KLF12: variants seen among roughly 807,000 people sequenced by gnomAD.
KLF12 encodes the protein Krueppel-like factor 12.
KLF12 carries 9 observed loss-of-function variants against 37.8 expected under a neutral mutation model. The ratio of observed to expected loss-of-function variants is 0.24; its 90% CI spans 0.14 to 0.42. KLF12 has a LOEUF of 0.42. Among genes scored for constraint, KLF12 ranks in the 10% least tolerant of loss-of-function variants. The probability of loss-of-function intolerance (pLI) is 1.00; values close to 1 mark genes in which losing one functional copy is unlikely to be tolerated. For missense variants in KLF12, 411 were observed against 516.0 expected (o/e 0.80, Z 1.97); for synonymous variants, 208 against 202.1 (o/e 1.03, Z -0.25).
At chr13:74,279,550 T>C in the KLF12 span, among the ~76,000 whole-genome samples, 1 of 151,904 alleles carries the variant, frequency 6.6e-6, no homozygotes, top group East Asian at 1.9e-4. Context: ...AAGTGCTCTT[T>C]GAGGAATATA....
chr13:73,686,161 A>G lies in KLF12; in HGVS notation c.*9329T>C, dbSNP rs1050686268. 1 of 152,646 alleles carries G rather than the reference A, an allele frequency of 6.6e-6. No individual in the cohort carries two copies. The highest frequency in any genetic ancestry group is 6.5e-5 in the Admixed American group (1 of 15,278). The allele number at this position is 152,646 out of a possible 1,614,324, so 9.5% of individuals were successfully genotyped here. Reference sequence around the variant, plus strand: ...GATAATTATACAAATGCATACAGTTAAAGGTTTAAACTCTATTTCAGTTCA... The same window carrying G: ...GATAATTATACAAATGCATACAGTTGAAGGTTTAAACTCTATTTCAGTTCA... On this transcript the variant is annotated 3_prime_UTR_variant, in exon 8 of 8. Transcript: ENST00000377669.
chr13:73,833,270 G>C (rs1022471637), intron 4 of KLF12, among the ~76,000 whole-genome samples: 5 of 152,130 alleles, frequency 3.3e-5, no homozygotes, highest in African/African-American at 1.2e-4. Context: ...CAATATCTAC[G>C]TATTAAGACT....
chr13:74,067,757 GATAT>G (rs1874001627), intron 1 of KLF12, among the ~76,000 whole-genome samples: 1 of 152,150 alleles, frequency 6.6e-6, no homozygotes, highest in African/African-American at 2.4e-5. Flanking sequence ...CAGAGAAACA[GATAT>G]ATAAGCATGC....
chr13:74,094,822 A>G (rs1875887237), intron 1 of KLF12, among the ~76,000 whole-genome samples: 1 of 151,774 alleles, frequency 6.6e-6, no homozygotes, highest in Non-Finnish European at 1.5e-5. Flanking sequence ...CTGGTTATGA[A>G]CTCCTGACCT....
intron 3 of KLF12, among the ~76,000 whole-genome samples, chr13:73,904,468 C>T (rs9543480): frequency 0.067 from 3,416 of 50,870 alleles, 233 homozygotes; most frequent in Middle Eastern, 0.12. Flanking sequence ...TTCTTTCTTT[C>T]CTTTTTTTTT....
chr13:74,174,312 CT>C, the KLF12 span, among the ~76,000 whole-genome samples: 16 of 148,010 alleles, frequency 1.1e-4, no homozygotes, highest in South Asian at 6.5e-4. Flanking sequence ...AGTCTTAGTC[CT>C]TTTTTTTTCT....
the KLF12 span, among the ~76,000 whole-genome samples, chr13:74,173,333 T>C: frequency 1.5e-4 from 23 of 152,350 alleles, no homozygotes; most frequent in African/African-American, 5.5e-4. Context: ...TAGAAATGGC[T>C]AACTTCTCTC....
chr13:73,991,265 G>A (rs1891964277), intron 2 of KLF12, among the ~76,000 whole-genome samples: 1 of 152,212 alleles, frequency 6.6e-6, no homozygotes, highest in Admixed American at 6.5e-5. Context: ...CCTGGAAATA[G>A]GATGAATGTA....
intron 3 of KLF12, among the ~76,000 whole-genome samples, chr13:73,927,086 G>T (rs1050405543): frequency 2.6e-5 from 4 of 152,102 alleles, no homozygotes; most frequent in Non-Finnish European, 5.9e-5. Flanking sequence ...ATATAACACA[G>T]CTTTTATGTG....
chr13:73,906,914 T>C (rs1888329558), intron 3 of KLF12, among the ~76,000 whole-genome samples: 1 of 152,180 alleles, frequency 6.6e-6, no homozygotes, highest in African/African-American at 2.4e-5. Flanking sequence ...TTCCTCCTTA[T>C]TACTTGCCCA....
chr13:73,755,851 G>A (rs1285910858), intron 6 of KLF12, among the ~76,000 whole-genome samples: 1 of 152,016 alleles, frequency 6.6e-6, no homozygotes, highest in Non-Finnish European at 1.5e-5. Context: ...AACATACGAT[G>A]TTTGGTTTTC....
At chr13:73,876,610 T>C (rs1225226549) in intron 3 of KLF12, among the ~76,000 whole-genome samples, 1 of 152,222 alleles carries the variant, frequency 6.6e-6, no homozygotes, top group Non-Finnish European at 1.5e-5. Flanking sequence ...TGGCTTATAA[T>C]TAGTGATACT....
intron 5 of KLF12, among the ~76,000 whole-genome samples, chr13:73,788,573 T>C (rs1315483160): frequency 6.6e-6 from 1 of 152,184 alleles, no homozygotes; most frequent in African/African-American, 2.4e-5. Flanking sequence ...GCCCTGGGCC[T>C]GTGGAACACC....
intron 4 of KLF12, among the ~76,000 whole-genome samples, chr13:73,845,424 C>T (rs1884959293): frequency 1.3e-5 from 2 of 152,094 alleles, no homozygotes; most frequent in Admixed American, 6.5e-5. Context: ...AACAACTCAA[C>T]AAAGAAACAT....
At chr13:74,272,413 G>A in the KLF12 span, among the ~76,000 whole-genome samples, 22 of 152,264 alleles carry the variant, frequency 1.4e-4, no homozygotes, top group Non-Finnish European at 2.9e-4. Context: ...AAAAATAATT[G>A]TATAGATTGA....
chr13:73,845,920 C>T lies in KLF12; in HGVS notation c.577G>A (p.Val193Met). ...CTTACAGCTGTGTAGACAACAGGCA[C>T]CGACTGTACCACCACGGGGATGCGG... The change falls in exon 4 of 8, where the codon GTG (valine) becomes ATG (methionine). Residue 193 changes from valine to methionine, a missense_variant. By Grantham distance (21) the Val-to-Met change is conservative. Coordinates refer to ENST00000377669, the MANE Select transcript of KLF12 (RefSeq NM_007249.5). The T allele has an allele frequency of 1.2e-6, 2 of 1,614,120 alleles. No homozygotes were observed. Among genetic ancestry groups the T allele is most frequent in the Non-Finnish European group, 1.7e-6 (2 of 1,179,984 alleles).
chr13:74,141,883 T>C, the KLF12 span, among the ~76,000 whole-genome samples: 4 of 152,206 alleles, frequency 2.6e-5, no homozygotes, highest in Non-Finnish European at 5.9e-5. Context: ...TTTTACTATG[T>C]AATGTTTCAT....
chr13:74,256,940 TC>T, the KLF12 span: 1 of 152,178 alleles, frequency 6.6e-6, no homozygotes, highest in Non-Finnish European at 1.5e-5. Flanking sequence ...CAGTTGTTAT[TC>T]CGTGACATCT....
intron 3 of KLF12, among the ~76,000 whole-genome samples, chr13:73,873,312 T>A (rs1016568740): frequency 6.6e-6 from 1 of 152,152 alleles, no homozygotes; most frequent in Non-Finnish European, 1.5e-5. Context: ...ACCATGAATA[T>A]CATCTGCCAG....
Sources: gnomAD v4.1 joint callset for allele counts (sites outside exome capture counted in the v4.1 genomes callset) on GRCh38, gnomAD v4.1.1 for gene constraint, MANE v1.5 for transcripts, NCBI Gene and HGNC (gene_info 2026-07-23, HGNC 2026-07-21) for gene names.